The following ELAVL2 variants were observed in gnomAD, a reference collection of about 807,000 sequenced individuals.
ELAVL2 encodes the protein ELAV-like protein 2.
ELAVL2 carries 4 observed loss-of-function variants against 34.6 expected under a neutral mutation model. The ratio of observed to expected loss-of-function variants is 0.12; its 90% CI spans 0.06 to 0.26. The LOEUF is 0.26. Ranked by LOEUF, ELAVL2 falls within the 10% of genes least tolerant of loss-of-function variation. The pLI is 1.00. For synonymous variants in ELAVL2, 193 were observed against 154.8 expected, an observed-to-expected ratio of 1.25 and a Z score of -1.83; for missense variants, 432 against 442.8, an observed-to-expected ratio of 0.98 and a Z score of 0.22.
the ELAVL2 span, among the ~76,000 whole-genome samples, chr9:23,840,097 T>A: frequency 6.6e-6 from 1 of 152,216 alleles, no homozygotes; most frequent in East Asian, 1.9e-4. Context: ...CCTTGGTATA[T>A]GACTTTGGGC....
intron 5 of ELAVL2, among the ~76,000 whole-genome samples, chr9:23,695,789 A>G (rs1195083701): frequency 1.3e-5 from 2 of 152,206 alleles, no homozygotes; most frequent in Non-Finnish European, 2.9e-5. Context: ...TGATATCACT[A>G]GACAATAGGA....
intron 2 of ELAVL2, among the ~76,000 whole-genome samples, chr9:23,759,768 ATATATATATAT>A (rs2054500159): frequency 7.4e-6 from 1 of 134,552 alleles, no homozygotes; most frequent in African/African-American, 2.7e-5. Flanking sequence ...ATATATATAT[ATATATATATAT>A]ATATATATAT....
At chr9:23,706,437 G>C (rs1344982351) in intron 3 of ELAVL2, among the ~76,000 whole-genome samples, 3 of 152,176 alleles carry the variant, frequency 2.0e-5, no homozygotes, top group Non-Finnish European at 4.4e-5. Context: ...TACTGAACCA[G>C]AGCATTTAAG....
intron 2 of ELAVL2, among the ~76,000 whole-genome samples, chr9:23,748,776 G>A (rs565890420): frequency 6.6e-6 from 1 of 152,208 alleles, no homozygotes; most frequent in East Asian, 1.9e-4. Flanking sequence ...AAGCCACTTG[G>A]AGAGGAAGAG....
intron 5 of ELAVL2, among the ~76,000 whole-genome samples, chr9:23,695,615 A>G (rs144428950): frequency 1.3e-5 from 2 of 152,310 alleles, no homozygotes; most frequent in African/African-American, 4.8e-5. Context: ...AGCCTACCAC[A>G]CACCTAGTTA....
intron 4 of ELAVL2, among the ~76,000 whole-genome samples, chr9:23,702,623 T>G (rs969418619): frequency 4.6e-5 from 7 of 151,792 alleles, no homozygotes; most frequent in Non-Finnish European, 1.0e-4. Context: ...TGCTTTAAAA[T>G]TAATACTGTG....
intron 1 of ELAVL2, among the ~76,000 whole-genome samples, chr9:23,820,145 G>T (rs1171011394): frequency 3.5e-4 from 54 of 152,164 alleles, no homozygotes; most frequent in Admixed American, 3.5e-3. Context: ...CTGGCGAAAC[G>T]ATTCTTGAGA....
At chr9:23,814,681 G>C (rs1220502376) in intron 1 of ELAVL2, among the ~76,000 whole-genome samples, 1 of 152,116 alleles carries the variant, frequency 6.6e-6, no homozygotes, top group African/African-American at 2.4e-5. Context: ...CTGGGAACAG[G>C]TTATAAAATC....
At position 23,726,076 on chromosome 9, in the gene ELAVL2, GA is replaced by G. The variant is rs929113508; in HGVS notation, c.333+4945del. 1.9e-3 allele frequency among the ~76,000 whole-genome samples: 280 copies of G among 146,326 alleles called. 1 individual carries two copies. Among genetic ancestry groups the G allele is most frequent in the Middle Eastern group, 0.018 (5 of 274 alleles). ...TTAAGGGTCAAGCTCATGCTGAACA[GA>G]AAAAAAAAAGTATAAATATGACATT... On this transcript the variant is annotated intron_variant, in intron 3 of 6. Coordinates refer to ENST00000397312, the MANE Select transcript of ELAVL2 (RefSeq NM_004432.5).
chr9:23,714,416 T>C (rs1371112916), intron 3 of ELAVL2, among the ~76,000 whole-genome samples: 1 of 152,188 alleles, frequency 6.6e-6, no homozygotes, highest in African/African-American at 2.4e-5. Context: ...AAATATTTTG[T>C]AAGATGACAG....
At position 23,690,357 on chromosome 9, in the gene ELAVL2, T is replaced by C. The variant is rs573558546; in HGVS notation, c.*2200A>G. 1.3e-5 allele frequency: 2 copies of C among 152,716 alleles called. No homozygotes were observed. The highest frequency in any genetic ancestry group is 1.3e-4 in the Admixed American group (2 of 15,292). The allele number at this position is 152,716 out of a possible 1,614,324, so 9.5% of individuals were successfully genotyped here. A position where few individuals can be genotyped will look rare whatever the true frequency, so the allele number is the denominator to read the frequency against. On this transcript the variant is annotated 3_prime_UTR_variant, in exon 7 of 7. Coordinates refer to ENST00000397312, the MANE Select transcript of ELAVL2 (RefSeq NM_004432.5). ...TCAATGCCTTGGTTTGCTACAGTAG[T>C]ATAGGAAAGAAGCATGTAGCTGCTG...
chr9:23,804,975 A>G (rs946194887), intron 1 of ELAVL2, among the ~76,000 whole-genome samples: 6 of 152,214 alleles, frequency 3.9e-5, no homozygotes, highest in Non-Finnish European at 8.8e-5. Flanking sequence ...TGTACATTAA[A>G]TATGAAGACA....
At chr9:23,753,600 A>C (rs1188011438) in intron 2 of ELAVL2, among the ~76,000 whole-genome samples, 1 of 152,180 alleles carries the variant, frequency 6.6e-6, no homozygotes, top group African/African-American at 2.4e-5. Context: ...AAAAAAAAGA[A>C]GCAACAAGTT....
intron 3 of ELAVL2, among the ~76,000 whole-genome samples, chr9:23,709,474 T>G (rs1447356104): frequency 6.6e-6 from 1 of 152,088 alleles, no homozygotes; most frequent in African/African-American, 2.4e-5. Flanking sequence ...CCTGTGGATT[T>G]AGATCTTACA....
At chr9:23,708,323 C>T (rs1411425901) in intron 3 of ELAVL2, among the ~76,000 whole-genome samples, 14 of 152,180 alleles carry the variant, frequency 9.2e-5, no homozygotes, top group Admixed American at 9.2e-4. Flanking sequence ...GTCTGTGCCT[C>T]ACAACAACCC....
At chr9:23,810,364 T>C (rs1332468512) in intron 1 of ELAVL2, among the ~76,000 whole-genome samples, 2 of 152,054 alleles carry the variant, frequency 1.3e-5, no homozygotes, top group Non-Finnish European at 2.9e-5. Flanking sequence ...GTTGTGGGCA[T>C]ACTGCTAGGA....
At chr9:23,843,097 A>G in the ELAVL2 span, among the ~76,000 whole-genome samples, 1 of 152,168 alleles carries the variant, frequency 6.6e-6, no homozygotes. Context: ...CCCAAGGGGA[A>G]CAAAAATAGA....
intron 1 of ELAVL2, among the ~76,000 whole-genome samples, chr9:23,792,303 A>T (rs898222934): frequency 6.6e-6 from 1 of 152,236 alleles, no homozygotes; most frequent in African/African-American, 2.4e-5. Context: ...CTTAACTTAA[A>T]GATGGGTTTA....
intron 1 of ELAVL2, among the ~76,000 whole-genome samples, chr9:23,803,588 T>C (rs2061834322): frequency 6.6e-6 from 1 of 152,212 alleles, no homozygotes; most frequent in Admixed American, 6.5e-5. Flanking sequence ...CCTGTAAAAT[T>C]GTCCCAAGGC....
Sources: allele counts gnomAD v4.1 joint callset (sites outside exome capture counted in the v4.1 genomes callset), GRCh38; gene constraint gnomAD v4.1.1; transcripts MANE v1.5; gene names NCBI Gene and HGNC (gene_info 2026-07-23, HGNC 2026-07-21).